Variants in LRRC7 observed in about 807,000 individuals in gnomAD.
LRRC7 encodes leucine-rich repeat-containing protein 7.
In LRRC7, 23 loss-of-function variants were observed where a neutral mutation model predicts 175.7. That is an observed-to-expected ratio of 0.13 (90% CI 0.09 to 0.19). LRRC7 has a LOEUF of 0.19. Ranked by LOEUF, LRRC7 falls within the 10% of genes least tolerant of loss-of-function variation. The pLI is 1.00. For missense variants in LRRC7, 1,354 were observed against 1,904.7 expected (o/e 0.71, Z 5.38); for synonymous variants, 685 against 680.9 (o/e 1.01, Z -0.09).
At chr1:69,628,164 G>C (rs1465996607) in intron 1 of LRRC7, among the ~76,000 whole-genome samples, 2 of 151,982 alleles carry the variant, frequency 1.3e-5, no homozygotes, top group Admixed American at 1.3e-4. Context: ...GGAAATAAAA[G>C]GTATATGTAT....
rs1309935827 is a variant in LRRC7 at position 70,143,597 on chromosome 1, G to GTCTC, written c.*21712_*21715dup. The GTCTC allele has an allele frequency of 6.6e-6, 1 of 152,094 alleles. No individual in the cohort carries two copies. Among genetic ancestry groups the GTCTC allele is most frequent in the Non-Finnish European group, 1.5e-5 (1 of 67,990 alleles). The allele number at this position is 152,094 out of a possible 1,614,324, so 9.4% of individuals were successfully genotyped here. A position where few individuals can be genotyped will look rare whatever the true frequency, so the allele number is the denominator to read the frequency against. ...ATCTTTATAAATTGGGGCCTTTTCTGTCTCTTTGCTAGCCTAGGTGGCTGT... is the reference window on the plus strand; with the variant it reads ...ATCTTTATAAATTGGGGCCTTTTCTGTCTCTCTCTTTGCTAGCCTAGGTGGCTGT... On this transcript the variant is annotated 3_prime_UTR_variant, in exon 27 of 27. Coordinates refer to ENST00000651989, the MANE Select transcript of LRRC7 (RefSeq NM_001370785.2).
At position 70,136,240 on chromosome 1, in the gene LRRC7, G is replaced by A. The variant is rs913552828; in HGVS notation, c.*14353G>A. On this transcript the variant is annotated 3_prime_UTR_variant, in exon 27 of 27. Coordinates refer to ENST00000651989, the MANE Select transcript of LRRC7 (RefSeq NM_001370785.2). Reference sequence around the variant, plus strand: ...GGGACTATATTTTCTTCTTTTGCTTGGTCTTGCCATAAATATGCCCCGCAG... The same window carrying A: ...GGGACTATATTTTCTTCTTTTGCTTAGTCTTGCCATAAATATGCCCCGCAG... Among the ~76,000 whole-genome samples the A allele has an allele frequency of 6.6e-6, 1 of 150,846 alleles. No individual in the cohort carries two copies. The highest frequency in any genetic ancestry group is 1.5e-5 in the Non-Finnish European group (1 of 67,784).
chr1:69,826,332 T>C (rs1442241666), intron 5 of LRRC7, among the ~76,000 whole-genome samples: 1 of 152,088 alleles, frequency 6.6e-6, no homozygotes, highest in African/African-American at 2.4e-5. Context: ...GAATGGAAGA[T>C]ATGGATAATA....
intron 3 of LRRC7, among the ~76,000 whole-genome samples, chr1:69,784,259 A>G (rs1674139417): frequency 6.6e-6 from 1 of 152,222 alleles, no homozygotes; most frequent in African/African-American, 2.4e-5. Flanking sequence ...TTAGTAAAAT[A>G]AAATTCAAGA....
At chr1:69,612,508 A>G (rs531588584) in intron 1 of LRRC7, among the ~76,000 whole-genome samples, 1 of 152,094 alleles carries the variant, frequency 6.6e-6, no homozygotes, top group East Asian at 1.9e-4. Context: ...GAATAATAAA[A>G]TATTCTTACA....
intron 7 of LRRC7, among the ~76,000 whole-genome samples, chr1:69,918,979 G>A (rs541141722): frequency 4.7e-4 from 72 of 152,214 alleles, no homozygotes; most frequent in Admixed American, 2.6e-3. Flanking sequence ...ATGGTTTCCC[G>A]GGCATGAAGT....
chr1:69,951,300 G>T (rs1557924014), intron 8 of LRRC7, among the ~76,000 whole-genome samples: 1 of 151,894 alleles, frequency 6.6e-6, no homozygotes, highest in Admixed American at 6.6e-5. Flanking sequence ...AGATACTGGC[G>T]AAGTTGCAGA....
chr1:70,014,404 C>T (rs1384634465), intron 13 of LRRC7, among the ~76,000 whole-genome samples: 1 of 151,914 alleles, frequency 6.6e-6, no homozygotes, highest in Non-Finnish European at 1.5e-5. Context: ...GACACACTGC[C>T]AGGTGCTAGG....
intron 24 of LRRC7, among the ~76,000 whole-genome samples, chr1:70,085,779 A>C (rs187260520): frequency 8.6e-4 from 131 of 152,128 alleles, no homozygotes; most frequent in Middle Eastern, 3.4e-3. Context: ...AGTTCATCCC[A>C]CTATCTGAAA....
In LRRC7 at chr1:70,140,300, C is replaced by T. The variant is rs939828797; in HGVS notation, c.*18413C>T. ...TAGATTTTACAAAGTTCCCCTTATC[C>T]AAACTACAGCACGCTTACTACTTTC... On this transcript the variant is annotated 3_prime_UTR_variant, in exon 27 of 27. Coordinates refer to ENST00000651989, the MANE Select transcript of LRRC7 (RefSeq NM_001370785.2). 3 of 152,132 alleles carry T rather than the reference C, an allele frequency of 2.0e-5. No individual in the cohort carries two copies. Among genetic ancestry groups the T allele is most frequent in the African/African-American group, 7.2e-5 (3 of 41,432 alleles). 9.4% of individuals were successfully genotyped at this position (152,132 alleles called of 1,614,324 possible).
At chr1:69,725,417 T>C (rs1666844301) in intron 2 of LRRC7, among the ~76,000 whole-genome samples, 1 of 152,164 alleles carries the variant, frequency 6.6e-6, no homozygotes, top group South Asian at 2.1e-4. Flanking sequence ...TGAAAGTATA[T>C]CAGTCATTCT....
At chr1:70,037,834 AT>A (rs1192500532) in intron 20 of LRRC7, among the ~76,000 whole-genome samples, 2 of 152,194 alleles carry the variant, frequency 1.3e-5, no homozygotes, top group African/African-American at 2.4e-5. Context: ...GTGAGTTTAT[AT>A]TCTAGCAGAG....
chr1:69,716,654 T>A (rs1665383463), intron 2 of LRRC7, among the ~76,000 whole-genome samples: 1 of 151,878 alleles, frequency 6.6e-6, no homozygotes, highest in Admixed American at 6.6e-5. Context: ...ATATTCTTTT[T>A]TGAAGGTTAC....
At chr1:69,875,384 A>G (rs1367822178) in intron 7 of LRRC7, among the ~76,000 whole-genome samples, 1 of 152,110 alleles carries the variant, frequency 6.6e-6, no homozygotes, top group Non-Finnish European at 1.5e-5. Context: ...AGCATAAAGG[A>G]AACTTTTCTT....
At chr1:69,980,306 T>C in intron 8 of LRRC7, 73 bp from the exon 9 acceptor site, 1 of 1,226,216 alleles carries the variant, frequency 8.2e-7, no homozygotes, top group Non-Finnish European at 1.2e-6. Flanking sequence ...AGAAATTACA[T>C]CTTATGTTTG....
At chr1:69,984,923 A>G (rs1330739866) in intron 9 of LRRC7, among the ~76,000 whole-genome samples, 1 of 152,118 alleles carries the variant, frequency 6.6e-6, no homozygotes, top group Non-Finnish European at 1.5e-5. Context: ...TGTAATCTCA[A>G]CTTCATCACT....
At chr1:69,716,472 A>G (rs1282960564) in intron 2 of LRRC7, among the ~76,000 whole-genome samples, 1 of 151,872 alleles carries the variant, frequency 6.6e-6, no homozygotes, top group African/African-American at 2.4e-5. Context: ...ATCCTCTCTC[A>G]GGTCTTATTT....
intron 7 of LRRC7, among the ~76,000 whole-genome samples, chr1:69,881,466 G>A (rs532763215): frequency 3.3e-5 from 5 of 152,198 alleles, no homozygotes; most frequent in Admixed American, 6.5e-5. Flanking sequence ...ACTAATATGC[G>A]TATAGCTGTC....
intron 7 of LRRC7, among the ~76,000 whole-genome samples, chr1:69,910,815 G>A (rs1442671391): frequency 6.6e-6 from 1 of 152,234 alleles, no homozygotes; most frequent in African/African-American, 2.4e-5. Context: ...GCCTACAGAG[G>A]CAGGCAGGCC....
Sources: allele counts gnomAD v4.1 joint callset (sites outside exome capture counted in the v4.1 genomes callset), GRCh38; gene constraint gnomAD v4.1.1; transcripts MANE v1.5; gene names NCBI Gene and HGNC (gene_info 2026-07-23, HGNC 2026-07-21).